Variants in KIF14 observed in about 807,000 individuals in gnomAD.
KIF14 encodes kinesin family member 14, also known as kinesin-like protein KIF14.
A neutral mutation model predicts 176.2 loss-of-function variants in KIF14; 98 were observed. The observed-to-expected ratio is 0.56, with a 90% CI of 0.47 to 0.66. The LOEUF (loss-of-function observed/expected upper bound fraction) is 0.66, where lower values mean the gene tolerates loss of function less well. Ranked by LOEUF, KIF14 falls within the 30% of genes least tolerant of loss-of-function variation. The probability of loss-of-function intolerance (pLI) is 0.00; values close to 1 mark genes in which losing one functional copy is unlikely to be tolerated. For synonymous variants in KIF14, 566 were observed against 632.2 expected, an observed-to-expected ratio of 0.90 and a Z score of 1.57; for missense variants, 1,751 against 1,920.4, an observed-to-expected ratio of 0.91 and a Z score of 1.65.
At chr1:200,562,048 C>T (rs1467959890) in intron 25 of KIF14, among the ~76,000 whole-genome samples, 1 of 152,180 alleles carries the variant, frequency 6.6e-6, no homozygotes, top group Admixed American at 6.5e-5. Flanking sequence ...TGTTACCTGC[C>T]CCCTGTAGTG....
At chr1:200,610,248 C>T (rs1296139790) in intron 4 of KIF14, among the ~76,000 whole-genome samples, 1 of 152,140 alleles carries the variant, frequency 6.6e-6, no homozygotes, top group Non-Finnish European at 1.5e-5. Context: ...CGCCTGTAAT[C>T]CTAGCACTCT....
intron 14 of KIF14, 59 bp downstream of exon 14, chr1:200,598,178 C>A: frequency 6.9e-7 from 1 of 1,453,704 alleles, no homozygotes; most frequent in South Asian, 1.2e-5. Flanking sequence ...TGAAGGAAAC[C>A]ACATGTTATC....
intron 18 of KIF14, among the ~76,000 whole-genome samples, chr1:200,586,796 T>TATATATATATATATACAC (rs1484414409): frequency 7.3e-5 from 2 of 27,254 alleles, no homozygotes; most frequent in African/African-American, 1.1e-4. Context: ...CATACATATA[T>TATATATATATATATACAC]ATATATATAT....
At position 200,553,594 on chromosome 1, in the gene KIF14, A is replaced by T. The variant is rs371029921; in HGVS notation, c.4741T>A (p.Cys1581Ser). 8.7e-6 allele frequency: 14 copies of T among 1,614,146 alleles called. No individual in the cohort carries two copies. Among genetic ancestry groups the T allele is most frequent in the African/African-American group, 1.3e-5 (1 of 75,052 alleles). ...TCAGGGCTTTCTTCAGATTCAAAACAAAAGAGGAGAGACTTAGCTAGAGAT... is the reference window on the plus strand; with the variant it reads ...TCAGGGCTTTCTTCAGATTCAAAACTAAAGAGGAGAGACTTAGCTAGAGAT... ...LESLAKSLLF[C>S]FESEESPDLL... The change falls in exon 30 of 30, where the codon TGT becomes AGT. Residue 1581 changes from cysteine (C) to serine (S), a missense_variant. Coordinates refer to ENST00000367350, the MANE Select transcript of KIF14 (RefSeq NM_014875.3).
intron 4 of KIF14, among the ~76,000 whole-genome samples, chr1:200,611,980 G>T (rs527548225): frequency 6.6e-6 from 1 of 151,454 alleles, no homozygotes; most frequent in African/African-American, 2.4e-5. Flanking sequence ...TTCAAATAAT[G>T]TATCTCCAAA....
In KIF14 at chr1:200,606,782, T is replaced by TCC; in HGVS notation, c.1570_1571insGG (p.His524ArgfsTer14). On this transcript the variant is annotated frameshift_variant, in exon 6 of 30. Coordinates refer to ENST00000367350, the MANE Select transcript of KIF14 (RefSeq NM_014875.3). LOFTEE classifies it high-confidence loss of function. ...TTCAACATATGGTCCATAAACAGGA[T>TCC]GTTCCCTCACTCTCAGCTAGAAGAA... 1 of 1,613,510 alleles carries TCC rather than the reference T, an allele frequency of 6.2e-7. No homozygotes were observed. Among genetic ancestry groups the TCC allele is most frequent in the African/African-American group, 1.3e-5 (1 of 75,040 alleles).
intron 12 of KIF14, 24 bp from the exon 13 acceptor site, chr1:200,600,137 CAG>C (rs1161556644): frequency 8.4e-6 from 13 of 1,548,702 alleles, no homozygotes; most frequent in Non-Finnish European, 1.2e-5. Context: ...AAGAAAATAA[CAG>C]AGTTAAAAAC....
chr1:200,566,101 A>G (rs1657431759), intron 23 of KIF14, among the ~76,000 whole-genome samples: 1 of 152,198 alleles, frequency 6.6e-6, no homozygotes, highest in Non-Finnish European at 1.5e-5. Flanking sequence ...TCATTTCTAT[A>G]TGCTAAAGTG....
chr1:200,553,361 G>T lies in KIF14; in HGVS notation c.*27C>A. ...AAGTGTTCTTTTTCTTTCATGGGTG[G>T]TCATAAAAGTGCCTACACATCAGTA... On this transcript the variant is annotated 3_prime_UTR_variant, in exon 30 of 30. Transcript: ENST00000367350. 6.5e-7 allele frequency: 1 copy of T among 1,537,592 alleles called. No homozygotes were observed.
chr1:200,601,532 T>C (rs6689232), intron 11 of KIF14, among the ~76,000 whole-genome samples: 43,013 of 152,160 alleles, frequency 0.28, 7,473 homozygotes, highest in Non-Finnish European at 0.4. Flanking sequence ...GAACTAAGCA[T>C]GAGCAGAGCT....
At chr1:200,614,170 C>T (rs940644087) in intron 4 of KIF14, 148 bp downstream of exon 4, 1 of 492,586 alleles carries the variant, frequency 2.0e-6, no homozygotes, top group African/African-American at 2.0e-5. Context: ...TCCACCCTCC[C>T]TCTCCATACC....
rs143052858 is a variant in KIF14, at chr1:200,589,248, C to A, written c.3083G>T (p.Arg1028Leu). 1 of 1,608,528 alleles carries A rather than the reference C, an allele frequency of 6.2e-7. No homozygotes were observed. The highest frequency in any genetic ancestry group is 1.1e-5 in the South Asian group (1 of 90,084). Residue 1028 changes from arginine to leucine, a missense_variant, in exon 18 of 30, where the codon CGA (arginine) becomes CTA (leucine). Transcript: ENST00000367350. ...TGTAGCCAATGTTTCCATTTCTAAT[C>A]GCTTTTTGTTGACATATATTTCCTG... ...LEQEIYVNKKRLEMETLATKQ... is the reference protein window; with the variant it reads ...LEQEIYVNKKLLEMETLATKQ...
rs1656577640 is a variant in KIF14 at position 200,552,339 on chromosome 1, G to A, written c.*1049C>T. ...TCTTTATTACTTGATCATAAATAAA[G>A]GTTTTTTTTTAAAGCTGTGGAAAAT... On this transcript the variant is annotated 3_prime_UTR_variant, in exon 30 of 30. Transcript: ENST00000367350. 6.6e-6 allele frequency: 1 copy of A among 151,556 alleles called. No individual in the cohort carries two copies. Among genetic ancestry groups the A allele is most frequent in the African/African-American group, 2.4e-5 (1 of 41,240 alleles). The allele number at this position is 151,556 out of a possible 1,614,324, so 9.4% of individuals were successfully genotyped here.
chr1:200,581,312 G>A lies in KIF14; in HGVS notation c.3242-18C>T. On this transcript the variant is annotated intron_variant, in intron 19 of 29. Coordinates refer to ENST00000367350, the MANE Select transcript of KIF14 (RefSeq NM_014875.3). ...TGTCTGCACTAATACAAAGCACACA[G>A]AAAAGATTCAAAATACATACATGGA... 3 of 1,479,060 alleles carry A rather than the reference G, an allele frequency of 2.0e-6. No homozygotes were observed. The highest frequency in any genetic ancestry group is 2.8e-6 in the Non-Finnish European group (3 of 1,083,310). The allele number at this position is 1,479,060 out of a possible 1,614,324, so 91.6% of individuals were successfully genotyped here. A position where few individuals can be genotyped will look rare whatever the true frequency, so the allele number is the denominator to read the frequency against.
chr1:200,608,988 G>T, intron 4 of KIF14, 60 bp from the exon 5 acceptor site: 1 of 922,474 alleles, frequency 1.1e-6, no homozygotes, highest in South Asian at 1.6e-5. Flanking sequence ...TCATATCTGT[G>T]GTTAGGAACT....
rs1657015316 is a variant in KIF14 at position 200,559,516 on chromosome 1, T to C, written c.4231-64A>G. ...TTTTATGTATTTTAATTTATTTAAATTTAGGTTTTATATATTTTAAATTAT... is the reference window on the plus strand; with the variant it reads ...TTTTATGTATTTTAATTTATTTAAACTTAGGTTTTATATATTTTAAATTAT... On this transcript the variant is annotated intron_variant, in intron 26 of 29. Coordinates refer to ENST00000367350, the MANE Select transcript of KIF14 (RefSeq NM_014875.3). The C allele has an allele frequency of 6.3e-6, 6 of 956,252 alleles. No homozygotes were observed. In the South Asian group the frequency reaches 1.2e-4, roughly 19 times the overall value. The allele number at this position is 956,252 out of a possible 1,614,324, so 59.2% of individuals were successfully genotyped here. A position where few individuals can be genotyped will look rare whatever the true frequency, so the allele number is the denominator to read the frequency against.
Position 200,600,394 on chromosome 1 carries a change from T to C in KIF14, c.2262A>G (p.Lys754=), listed in dbSNP as rs754057502. Residue 754 remains lysine (K), a synonymous_variant, in exon 12 of 30, where the codon AAA becomes AAG. Transcript: ENST00000367350. The part of the protein sequence containing the change: ...CRQEITSLRM[K]LHQQERDMAE... ...CCATGTCTCTCTCCTGTTGATGCAGTTTCATTCTTAAGGATGTTATTTCTT... is the reference window on the plus strand; with the variant it reads ...CCATGTCTCTCTCCTGTTGATGCAGCTTCATTCTTAAGGATGTTATTTCTT... 4 of 1,613,914 alleles carry C rather than the reference T, an allele frequency of 2.5e-6. No individual in the cohort carries two copies. Among genetic ancestry groups the C allele is most frequent in the African/African-American group, 2.7e-5 (2 of 75,042 alleles).
rs76780826 is a variant in KIF14, at chr1:200,596,168, T to C, written c.2549+2069A>G. Among the ~76,000 whole-genome samples the C allele has an allele frequency of 2.9e-3, 433 of 151,826 alleles. 1 individual carries two copies. Among genetic ancestry groups the C allele is most frequent in the African/African-American group, 9.8e-3 (407 of 41,392 alleles). On this transcript the variant is annotated intron_variant, in intron 14 of 29. Coordinates refer to ENST00000367350, the MANE Select transcript of KIF14 (RefSeq NM_014875.3). Reference sequence around the variant, plus strand: ...ACTCAGGAGGCTGAAGCAGGAGAATTGCTCGACTCCAGGAGGTTGCAGTGA... The same window carrying C: ...ACTCAGGAGGCTGAAGCAGGAGAATCGCTCGACTCCAGGAGGTTGCAGTGA...
chr1:200,611,410 T>C (rs796399377), intron 4 of KIF14, among the ~76,000 whole-genome samples: 7 of 152,266 alleles, frequency 4.6e-5, no homozygotes, highest in African/African-American at 1.7e-4. Flanking sequence ...ATATAGCTGG[T>C]GTCATGAGAG....
Sources: allele counts gnomAD v4.1 joint callset (sites outside exome capture counted in the v4.1 genomes callset), GRCh38; gene constraint gnomAD v4.1.1; transcripts MANE v1.5; gene names NCBI Gene and HGNC (gene_info 2026-07-23, HGNC 2026-07-21).